ST8SIA1: variants seen among roughly 807,000 people sequenced by gnomAD.
ST8SIA1 encodes alpha-N-acetylneuraminide alpha-2,8-sialyltransferase.
In ST8SIA1, 16 loss-of-function variants were observed where a neutral mutation model predicts 35.9. The ratio of observed to expected loss-of-function variants is 0.45; its 90% CI spans 0.30 to 0.68. The LOEUF is 0.68. Among genes scored for constraint, ST8SIA1 ranks in the 30% least tolerant of loss-of-function variants. ST8SIA1 has a pLI of 0.09. For missense variants in ST8SIA1, 383 were observed against 453.6 expected, an observed-to-expected ratio of 0.84 and a Z score of 1.41; for synonymous variants, 170 against 169.6, an observed-to-expected ratio of 1.00 and a Z score of -0.02.
chr12:22,279,306 T>C (rs962472659), intron 2 of ST8SIA1, among the ~76,000 whole-genome samples: 12 of 152,176 alleles, frequency 7.9e-5, no homozygotes, highest in African/African-American at 2.7e-4. Flanking sequence ...TGACTTAATT[T>C]CAAAACATAA....
intron 1 of ST8SIA1, among the ~76,000 whole-genome samples, chr12:22,304,086 T>A (rs1251591768): frequency 6.6e-6 from 1 of 152,194 alleles, no homozygotes; most frequent in Non-Finnish European, 1.5e-5. Context: ...CACAATAGCC[T>A]GGGTTTGTTT....
intron 1 of ST8SIA1, among the ~76,000 whole-genome samples, chr12:22,295,458 C>T (rs1027417079): frequency 2.6e-5 from 4 of 152,162 alleles, no homozygotes; most frequent in African/African-American, 4.8e-5. Flanking sequence ...GCAGGCCAGG[C>T]ACTGTGGTTC....
At position 22,242,988 on chromosome 12, in the gene ST8SIA1, A is replaced by G. The variant is rs372650719; in HGVS notation, c.584+6018T>C. Among the ~76,000 whole-genome samples the G allele has an allele frequency of 1.4e-4, 22 of 152,300 alleles. 1 individual carries two copies. The South Asian group carries it at 4.6e-3, about 32-fold the overall frequency. ...AACAAGATATCCTAACAAAGGCTGT[A>G]GCAAAGCTCCTTCTTACTGTAGCAA... On this transcript the variant is annotated intron_variant, in intron 4 of 4. Transcript: ENST00000396037.
At chr12:22,244,669 A>G (rs1306208726) in intron 4 of ST8SIA1, among the ~76,000 whole-genome samples, 1 of 151,950 alleles carries the variant, frequency 6.6e-6, no homozygotes, top group East Asian at 1.9e-4. Context: ...TGTTGTCCGG[A>G]CTGGTCTCAA....
At chr12:22,220,087 T>C (rs1474772393) in intron 4 of ST8SIA1, among the ~76,000 whole-genome samples, 3 of 152,178 alleles carry the variant, frequency 2.0e-5, no homozygotes, top group African/African-American at 7.2e-5. Flanking sequence ...AATTAAGCTC[T>C]ACATAAGCCC....
intron 1 of ST8SIA1, among the ~76,000 whole-genome samples, chr12:22,315,352 T>G (rs892001544): frequency 1.3e-5 from 2 of 152,162 alleles, no homozygotes; most frequent in African/African-American, 2.4e-5. Flanking sequence ...GGACTTGGTT[T>G]AGAGCAACCG....
intron 4 of ST8SIA1, among the ~76,000 whole-genome samples, chr12:22,215,419 T>C (rs1015175612): frequency 5.9e-5 from 9 of 152,166 alleles, no homozygotes; most frequent in Non-Finnish European, 8.8e-5. Flanking sequence ...TCTGCTGTCA[T>C]GGAGCTTTCA....
intron 1 of ST8SIA1, chr12:22,325,872 CCCA>C: frequency 1.4e-6 from 1 of 701,582 alleles, no homozygotes; most frequent in Non-Finnish European, 2.6e-6. Context: ...GCACGGTGAT[CCCA>C]CCACCAAGAT....
At chr12:22,304,339 T>TC (rs1306585941) in intron 1 of ST8SIA1, among the ~76,000 whole-genome samples, 1 of 111,802 alleles carries the variant, frequency 8.9e-6, no homozygotes, top group African/African-American at 3.4e-5. Context: ...TTTTTCTTTT[T>TC]TTTTTTTTTT....
chr12:22,321,243 C>T (rs568866579), intron 1 of ST8SIA1, among the ~76,000 whole-genome samples: 3 of 152,276 alleles, frequency 2.0e-5, no homozygotes, highest in African/African-American at 7.2e-5. Context: ...AGCCCTTTGG[C>T]GTGGCAAGGA....
chr12:22,210,893 C>T (rs1421812773), intron 4 of ST8SIA1, among the ~76,000 whole-genome samples: 1 of 152,206 alleles, frequency 6.6e-6, no homozygotes, highest in African/African-American at 2.4e-5. Flanking sequence ...AGGTGGCCAA[C>T]CGTTCCAGCT....
At chr12:22,291,380 C>T (rs1460830142) in intron 1 of ST8SIA1, among the ~76,000 whole-genome samples, 1 of 152,186 alleles carries the variant, frequency 6.6e-6, no homozygotes, top group Non-Finnish European at 1.5e-5. Flanking sequence ...CAAGAGATGA[C>T]TGAATTTGAG....
At position 22,197,619 on chromosome 12, in the gene ST8SIA1, A is replaced by T. The variant is rs1374342517; in HGVS notation, c.*3933T>A. The T allele has an allele frequency of 1.3e-5, 2 of 152,178 alleles. No homozygotes were observed. Among genetic ancestry groups the T allele is most frequent in the African/African-American group, 4.8e-5 (2 of 41,446 alleles). The allele number at this position is 152,178 out of a possible 1,614,324, so 9.4% of individuals were successfully genotyped here. A position where few individuals can be genotyped will look rare whatever the true frequency, so the allele number is the denominator to read the frequency against. On this transcript the variant is annotated 3_prime_UTR_variant, in exon 5 of 5. Coordinates refer to ENST00000396037, the MANE Select transcript of ST8SIA1 (RefSeq NM_003034.4). ...TTGGATCATCTATAACACTCTTGTAAAGCCTTTGACTAATCCAAGGGTATT... is the reference window on the plus strand; with the variant it reads ...TTGGATCATCTATAACACTCTTGTATAGCCTTTGACTAATCCAAGGGTATT...
intron 2 of ST8SIA1, among the ~76,000 whole-genome samples, chr12:22,281,670 T>C (rs1340166555): frequency 6.6e-6 from 1 of 152,096 alleles, no homozygotes; most frequent in African/African-American, 2.4e-5. Context: ...ACTCTACTTT[T>C]TCTCCCAAAA....
intron 2 of ST8SIA1, among the ~76,000 whole-genome samples, chr12:22,256,686 A>T (rs1235297587): frequency 1.3e-5 from 2 of 152,208 alleles, no homozygotes; most frequent in Non-Finnish European, 2.9e-5. Flanking sequence ...GCATAAGAAG[A>T]GGATTTTATT....
At chr12:22,302,778 C>T (rs1866334176) in intron 1 of ST8SIA1, among the ~76,000 whole-genome samples, 1 of 152,112 alleles carries the variant, frequency 6.6e-6, no homozygotes. Flanking sequence ...AGTCATCCCT[C>T]CCCTCACTGA....
intron 4 of ST8SIA1, among the ~76,000 whole-genome samples, chr12:22,237,644 TATATC>T (rs1263026855): frequency 6.6e-6 from 1 of 151,862 alleles, no homozygotes; most frequent in East Asian, 1.9e-4. Flanking sequence ...TCAATATGGA[TATATC>T]ATAAGTTACA....
chr12:22,280,792 T>C (rs980850081), intron 2 of ST8SIA1, among the ~76,000 whole-genome samples: 3 of 152,222 alleles, frequency 2.0e-5, no homozygotes, highest in African/African-American at 7.2e-5. Context: ...TATTTGGACA[T>C]CCAGTGATGA....
chr12:22,310,817 C>A (rs1866439846), intron 1 of ST8SIA1, among the ~76,000 whole-genome samples: 2 of 151,878 alleles, frequency 1.3e-5, no homozygotes, highest in Admixed American at 6.6e-5. Flanking sequence ...ACATGGCAAC[C>A]CAAAATGAAT....
Sources: allele counts gnomAD v4.1 joint callset (sites outside exome capture counted in the v4.1 genomes callset), GRCh38; gene constraint gnomAD v4.1.1; transcripts MANE v1.5; gene names NCBI Gene and HGNC (gene_info 2026-07-23, HGNC 2026-07-21).